Variants in CELF2 observed in about 807,000 individuals in gnomAD.
CELF2 encodes CUG triplet repeat RNA-binding protein 2.
A neutral mutation model predicts 62.6 loss-of-function variants in CELF2; 8 were observed. The observed-to-expected ratio is 0.13, with a 90% CI of 0.07 to 0.23. CELF2 has a LOEUF of 0.23. Among genes scored for constraint, CELF2 ranks in the 10% least tolerant of loss-of-function variants. The probability of loss-of-function intolerance (pLI) is 1.00; values close to 1 mark genes in which losing one functional copy is unlikely to be tolerated. For synonymous variants in CELF2, 258 were observed against 250.0 expected (o/e 1.03, Z -0.30); for missense variants, 333 against 671.0 (o/e 0.50, Z 5.56).
rs2061522220 is a variant in CELF2 at position 11,039,826 on chromosome 10, A to T, written c.74+21663A>T. 6.6e-6 allele frequency among the ~76,000 whole-genome samples: 1 copy of T among 152,222 alleles called. No homozygotes were observed. Among genetic ancestry groups the T allele is most frequent in the African/African-American group, 2.4e-5 (1 of 41,450 alleles). On this transcript the variant is annotated intron_variant, in intron 1 of 12. Coordinates refer to ENST00000633077, the MANE Select transcript of CELF2 (RefSeq NM_001326342.2). This position sits in a 1 kb window ranked among gnomAD's most constrained non-coding sequence, Gnocchi z 4.1. ...AGGAAACCATGGACCAGAGTAACCT[A>T]AAGATGCATGTTGGTATATATTTTA...
the CELF2 span, among the ~76,000 whole-genome samples, chr10:10,546,189 A>G: frequency 1.3e-5 from 2 of 152,204 alleles, no homozygotes; most frequent in Non-Finnish European, 2.9e-5. Context: ...TCTGCAATCA[A>G]CACTGAAACC....
intron 1 of CELF2, among the ~76,000 whole-genome samples, chr10:11,164,850 C>T (rs1337082048): frequency 1.3e-5 from 2 of 152,170 alleles, no homozygotes; most frequent in African/African-American, 2.4e-5. Flanking sequence ...ATAGCTGGAC[C>T]GCTTTCCATT....
At chr10:10,705,087 G>C in the CELF2 span, among the ~76,000 whole-genome samples, 1 of 152,096 alleles carries the variant, frequency 6.6e-6, no homozygotes, top group Non-Finnish European at 1.5e-5. Flanking sequence ...TCAGGAGTCT[G>C]AGGTCGGAAG....
At chr10:10,535,804 G>A in the CELF2 span, among the ~76,000 whole-genome samples, 1 of 152,082 alleles carries the variant, frequency 6.6e-6, no homozygotes, top group South Asian at 2.1e-4. Flanking sequence ...GAGCAGAATG[G>A]GGAGGGAATT....
the CELF2 span, among the ~76,000 whole-genome samples, chr10:10,730,846 A>G: frequency 6.6e-6 from 1 of 152,158 alleles, no homozygotes; most frequent in Non-Finnish European, 1.5e-5. Flanking sequence ...ACCCTCTCTC[A>G]GTGTTGATGC....
chr10:11,088,618 CAT>C (rs1158579740), intron 1 of CELF2, among the ~76,000 whole-genome samples: 2 of 152,094 alleles, frequency 1.3e-5, no homozygotes, highest in South Asian at 2.1e-4. Context: ...TGCAGAAACA[CAT>C]GTCTTAGGCA....
rs188789735 is a variant in CELF2, at chr10:10,967,670, G to A, written c.89+47671G>A. Among the ~76,000 whole-genome samples the A allele has an allele frequency of 3.2e-4, 48 of 152,260 alleles. No homozygotes were observed. In the East Asian group the frequency reaches 6.9e-3, roughly 22 times the overall value. On this transcript the variant is annotated intron_variant, in intron 2 of 13. Transcript: ENST00000636488. ...CTGCTGGAGGGGCCTCGGGCTGAAC[G>A]GGCCTGCCTTAGTGTTCCTGCCACC... is the stretch of plus-strand genomic sequence containing the variant.
At chr10:11,099,881 C>CAAAAAAAAAAAA (rs1554835241) in intron 1 of CELF2, among the ~76,000 whole-genome samples, 1 of 133,772 alleles carries the variant, frequency 7.5e-6, no homozygotes, top group African/African-American at 2.8e-5. Context: ...ACAACAACAA[C>CAAAAAAAAAAAA]AACAAAAAAA....
intron 7 of CELF2, among the ~76,000 whole-genome samples, chr10:11,271,438 C>G (rs2083727429): frequency 6.7e-6 from 1 of 150,202 alleles, no homozygotes; most frequent in South Asian, 2.1e-4. Context: ...TTAAGACAGT[C>G]CCCCGAGCGA....
Position 11,159,979 on chromosome 10 carries a change from A to G in CELF2, c.75-5507A>G, listed in dbSNP as rs1036711017. ...CAGCACCCCAATTAACCGGCCACTC[A>G]GCGGCCTGTCGGAGCCTCCAGGCTA... On this transcript the variant is annotated intron_variant, in intron 1 of 12. Coordinates refer to ENST00000633077, the MANE Select transcript of CELF2 (RefSeq NM_001326342.2). This position sits in a 1 kb window ranked among gnomAD's most constrained non-coding sequence, Gnocchi z 5.0. 1.3e-5 allele frequency among the ~76,000 whole-genome samples: 2 copies of G among 152,202 alleles called. No homozygotes were observed. Among genetic ancestry groups the G allele is most frequent in the East Asian group, 3.8e-4 (2 of 5,198 alleles).
chr10:10,990,324 G>A lies in CELF2; in HGVS notation c.89+70325G>A, dbSNP rs1335752460. On this transcript the variant is annotated intron_variant, in intron 2 of 13. Coordinates refer to the CELF2 transcript ENST00000636488. The surrounding 1 kb of genome is among the most constrained non-coding windows in gnomAD (Gnocchi z 4.6). ...CAATACAACCACAGTTTTATATAAA[G>A]AGACAAAGTATATGGATTGAAAATG... 6.6e-6 allele frequency among the ~76,000 whole-genome samples: 1 copy of A among 152,006 alleles called. No individual in the cohort carries two copies. The highest frequency in any genetic ancestry group is 1.5e-5 in the Non-Finnish European group (1 of 67,966).
rs35755036 is a variant in CELF2 at position 11,160,645 on chromosome 10, CAA to C, written c.75-4823_75-4822del. On this transcript the variant is annotated intron_variant, in intron 1 of 12. Coordinates refer to ENST00000633077, the MANE Select transcript of CELF2 (RefSeq NM_001326342.2). ...CACTGACGTGGATTATCCCAAGGAT[CAA>C]AAAAAAAAAAAAAAAAAGAGTATTG... is the stretch of plus-strand genomic sequence containing the variant. Among the ~76,000 whole-genome samples the C allele has an allele frequency of 7.2e-3, 701 of 96,842 alleles. 2 individuals carry two copies. The highest frequency in any genetic ancestry group is 0.013 in the African/African-American group (340 of 27,146). 63.5% of individuals were successfully genotyped at this position (96,842 alleles called of 152,430 possible).
chr10:10,494,194 A>ACT, the CELF2 span, among the ~76,000 whole-genome samples: 24 of 152,184 alleles, frequency 1.6e-4, no homozygotes, highest in African/African-American at 5.5e-4. Context: ...TGCAGGAATC[A>ACT]CTCTCTCTCC....
At chr10:10,789,274 T>C in the CELF2 span, among the ~76,000 whole-genome samples, 2 of 152,324 alleles carry the variant, frequency 1.3e-5, no homozygotes, top group Admixed American at 1.3e-4. Context: ...TTGTGACTTT[T>C]GATCAGTTAT....
At chr10:11,106,531 C>G (rs1022824043) in intron 1 of CELF2, among the ~76,000 whole-genome samples, 2 of 152,224 alleles carry the variant, frequency 1.3e-5, no homozygotes, top group Non-Finnish European at 2.9e-5. Flanking sequence ...GCCACTGCGC[C>G]CAGCCCATCT....
chr10:11,234,459 G>T (rs1473700434), intron 3 of CELF2, among the ~76,000 whole-genome samples: 1 of 152,162 alleles, frequency 6.6e-6, no homozygotes, highest in Non-Finnish European at 1.5e-5. Flanking sequence ...GAGGCGGGTG[G>T]ATCACGAGGT....
the CELF2 span, among the ~76,000 whole-genome samples, chr10:10,723,615 T>A: frequency 6.6e-6 from 1 of 152,342 alleles, no homozygotes; most frequent in African/African-American, 2.4e-5. Context: ...TCATTTTTTT[T>A]AAAGCACATA....
At chr10:10,466,373 G>A in the CELF2 span, among the ~76,000 whole-genome samples, 2 of 152,112 alleles carry the variant, frequency 1.3e-5, no homozygotes, top group Non-Finnish European at 1.5e-5. Context: ...CATACATACT[G>A]TTGCATACAT....
At chr10:11,126,127 A>T (rs1168816020) in intron 1 of CELF2, among the ~76,000 whole-genome samples, 1 of 152,212 alleles carries the variant, frequency 6.6e-6, no homozygotes, top group Non-Finnish European at 1.5e-5. Context: ...GACAATGACC[A>T]AGTAAGGATG....
Sources: gnomAD v4.1 joint callset for allele counts (sites outside exome capture counted in the v4.1 genomes callset) on GRCh38, gnomAD v4.1.1 for gene constraint, Gnocchi (gnomAD v3.1) non-coding constraint, MANE v1.5 for transcripts, NCBI Gene and HGNC (gene_info 2026-07-23, HGNC 2026-07-21) for gene names.